SHANK2: variants seen among roughly 807,000 people sequenced by gnomAD.
The protein encoded by SHANK2 is SH3 and multiple ankyrin repeat domains protein 2.
SHANK2 carries 43 observed loss-of-function variants against 133.7 expected under a neutral mutation model. The observed-to-expected ratio is 0.32, with a 90% CI of 0.25 to 0.41. The LOEUF (loss-of-function observed/expected upper bound fraction) is 0.41. Among genes scored for constraint, SHANK2 ranks in the 10% least tolerant of loss-of-function variants. The pLI is 1.00. For missense variants in SHANK2, 1,994 were observed against 2,235.8 expected (o/e 0.89, Z 2.18); for synonymous variants, 1,017 against 952.8 (o/e 1.07, Z -1.24).
chr11:70,513,982 T>C (rs2059236826), intron 17 of SHANK2, among the ~76,000 whole-genome samples: 2 of 151,850 alleles, frequency 1.3e-5, no homozygotes, highest in Non-Finnish European at 2.9e-5. Context: ...CCCAAGGAAT[T>C]CCCCAATTAG....
rs577865882 is a variant in SHANK2, at chr11:70,884,835, C to T, written c.1174+11666G>A. On this transcript the variant is annotated intron_variant, in intron 11 of 25. Transcript: ENST00000601538. ...TCCCAGGTTCAAGCGATTCTCCTGC[C>T]TCACCCTCCCGAGTAGCTGGGATTA... 6.6e-5 allele frequency among the ~76,000 whole-genome samples: 10 copies of T among 152,298 alleles called. No individual in the cohort carries two copies. In the East Asian group the frequency reaches 1.7e-3, roughly 26 times the overall value.
chr11:71,103,710 G>T (rs1951756122), intron 6 of SHANK2, among the ~76,000 whole-genome samples: 1 of 152,114 alleles, frequency 6.6e-6, no homozygotes, highest in African/African-American at 2.4e-5. Context: ...GAGGTGACTG[G>T]ATCATGGGGG....
intron 11 of SHANK2, among the ~76,000 whole-genome samples, chr11:70,874,247 T>C (rs1949518533): frequency 6.6e-6 from 1 of 151,582 alleles, no homozygotes; most frequent in Non-Finnish European, 1.5e-5. Flanking sequence ...CATCCAGCTA[T>C]CCCTCTAATC....
At chr11:70,606,107 G>C (rs1489282538) in intron 17 of SHANK2, among the ~76,000 whole-genome samples, 3 of 152,100 alleles carry the variant, frequency 2.0e-5, no homozygotes, top group East Asian at 1.9e-4. Flanking sequence ...TGGCAGGGGG[G>C]CAGCTGGAAG....
intron 2 of SHANK2, among the ~76,000 whole-genome samples, chr11:71,167,355 G>T (rs1565490697): frequency 6.6e-6 from 1 of 151,744 alleles, no homozygotes; most frequent in Admixed American, 6.6e-5. Flanking sequence ...TTCCCAGTAG[G>T]GGCGGCCGGG....
At chr11:70,676,508 A>C (rs1944908513) in intron 15 of SHANK2, among the ~76,000 whole-genome samples, 1 of 152,234 alleles carries the variant, frequency 6.6e-6, no homozygotes, top group Non-Finnish European at 1.5e-5. Flanking sequence ...GGAGAGGCCA[A>C]GAGGCCTTCA....
intron 10 of SHANK2, among the ~76,000 whole-genome samples, chr11:70,900,075 G>A (rs1950002228): frequency 6.6e-6 from 1 of 152,214 alleles, no homozygotes; most frequent in Admixed American, 6.5e-5. Flanking sequence ...TATGCTATGG[G>A]CCAGGCGCTG....
At chr11:70,707,993 T>G (rs1258838144) in intron 14 of SHANK2, among the ~76,000 whole-genome samples, 2 of 152,122 alleles carry the variant, frequency 1.3e-5, no homozygotes, top group Admixed American at 6.5e-5. Context: ...GCTCCCGGTG[T>G]GCACCGAGGA....
chr11:70,500,307 G>A lies in SHANK2; in HGVS notation c.2308+263C>T, dbSNP rs191330768. On this transcript the variant is annotated intron_variant, in intron 21 of 25. Coordinates refer to ENST00000601538, the MANE Select transcript of SHANK2 (RefSeq NM_012309.5). The surrounding 1 kb of genome is among the most constrained non-coding windows in gnomAD (Gnocchi z 4.5). ...CCCAGCTGAGACCAAACAGGGGTCCGGCCAGCTTCACGGTCATGACGATGT... is the reference window on the plus strand; with the variant it reads ...CCCAGCTGAGACCAAACAGGGGTCCAGCCAGCTTCACGGTCATGACGATGT... 1.3e-5 allele frequency among the ~76,000 whole-genome samples: 2 copies of A among 152,220 alleles called. No individual in the cohort carries two copies. Among genetic ancestry groups the A allele is most frequent in the East Asian group, 1.9e-4 (1 of 5,162 alleles).
At chr11:70,910,344 C>A (rs1246659492) in intron 10 of SHANK2, among the ~76,000 whole-genome samples, 1 of 152,198 alleles carries the variant, frequency 6.6e-6, no homozygotes, top group Non-Finnish European at 1.5e-5. Flanking sequence ...CTGAGGCCTG[C>A]ACAAGGCTTG....
intron 8 of SHANK2, among the ~76,000 whole-genome samples, chr11:71,081,636 A>T (rs1951302558): frequency 6.6e-6 from 1 of 152,164 alleles, no homozygotes; most frequent in South Asian, 2.1e-4. Flanking sequence ...GTCAGGGCTG[A>T]CTGGGAAGGC....
intron 17 of SHANK2, among the ~76,000 whole-genome samples, chr11:70,568,307 A>C (rs897374805): frequency 6.6e-6 from 1 of 152,092 alleles, no homozygotes; most frequent in Non-Finnish European, 1.5e-5. Flanking sequence ...ACCGCCCTGG[A>C]AGTGAGCTTA....
At position 70,482,398 on chromosome 11, in the gene SHANK2, C is replaced by T. The variant is rs377108004; in HGVS notation, c.4979+2916G>A. On this transcript the variant is annotated intron_variant, in intron 25 of 25. Transcript: ENST00000601538. ...AGAGGCCTGAGAGCAGCCCCGCCCGCGGCAGTCTCAGCCTTGCAGGTGTTC... is the reference window on the plus strand; with the variant it reads ...AGAGGCCTGAGAGCAGCCCCGCCCGTGGCAGTCTCAGCCTTGCAGGTGTTC... Among the ~76,000 whole-genome samples, 463 of 152,338 alleles carry T rather than the reference C, an allele frequency of 3.0e-3. 5 individuals carry two copies. Among genetic ancestry groups the T allele is most frequent in the African/African-American group, 0.011 (445 of 41,580 alleles).
intron 11 of SHANK2, among the ~76,000 whole-genome samples, chr11:70,869,846 G>A (rs534846524): frequency 2.6e-5 from 4 of 152,226 alleles, no homozygotes; most frequent in South Asian, 2.1e-4. Context: ...GTGCTCAGTC[G>A]CCGCTGGGTC....
intron 14 of SHANK2, among the ~76,000 whole-genome samples, chr11:70,722,772 G>A (rs1358706538): frequency 2.0e-5 from 3 of 152,162 alleles, no homozygotes; most frequent in Non-Finnish European, 2.9e-5. Context: ...AGTGTACCTC[G>A]AAGGCTGCTG....
intron 2 of SHANK2, among the ~76,000 whole-genome samples, chr11:71,212,747 A>C (rs1246180546): frequency 1.3e-5 from 2 of 152,206 alleles, no homozygotes; most frequent in Non-Finnish European, 2.9e-5. Flanking sequence ...AACGTCAAAC[A>C]CCAGAGCTTT....
In SHANK2 at chr11:71,175,459, A is replaced by G. The variant is rs1953412166; in HGVS notation, c.-12-28121T>C. On this transcript the variant is annotated intron_variant, in intron 2 of 25. Coordinates refer to ENST00000601538, the MANE Select transcript of SHANK2 (RefSeq NM_012309.5). This position sits in a 1 kb window ranked among gnomAD's most constrained non-coding sequence, Gnocchi z 4.2. ...AAAGAAAAAGAGGGAGAGGAGGGGG[A>G]GAAATAGACCAAGGCTGGTGAAAGA... is the stretch of plus-strand genomic sequence containing the variant. Among the ~76,000 whole-genome samples the G allele has an allele frequency of 6.6e-6, 1 of 151,630 alleles. No individual in the cohort carries two copies. The highest frequency in any genetic ancestry group is 2.4e-5 in the African/African-American group (1 of 41,252).
At chr11:71,249,499 G>T (rs1948141519) in intron 1 of SHANK2, among the ~76,000 whole-genome samples, 1 of 152,164 alleles carries the variant, frequency 6.6e-6, no homozygotes, top group Non-Finnish European at 1.5e-5. Context: ...GGGGCCCTCA[G>T]ACTCCAGGTA....
At chr11:70,726,236 G>A (rs1946179269) in intron 14 of SHANK2, among the ~76,000 whole-genome samples, 1 of 152,334 alleles carries the variant, frequency 6.6e-6, no homozygotes. Flanking sequence ...CCAGCATCTT[G>A]GAGGGACCTG....
Sources: gnomAD v4.1 joint callset for allele counts (sites outside exome capture counted in the v4.1 genomes callset) on GRCh38, gnomAD v4.1.1 for gene constraint, Gnocchi (gnomAD v3.1) non-coding constraint, MANE v1.5 for transcripts, NCBI Gene and HGNC (gene_info 2026-07-23, HGNC 2026-07-21) for gene names.